Variants in PDCD11 observed in about 807,000 individuals in gnomAD.
PDCD11 encodes the protein protein RRP5 homolog.
PDCD11 carries 97 observed loss-of-function variants against 198.9 expected under a neutral mutation model. That is an observed-to-expected ratio of 0.49 (90% CI 0.41 to 0.58). PDCD11 has a LOEUF of 0.58. Among genes scored for constraint, PDCD11 ranks in the 20% least tolerant of loss-of-function variants. The probability of loss-of-function intolerance (pLI) is 0.00; values close to 1 mark genes in which losing one functional copy is unlikely to be tolerated. For missense variants in PDCD11, 2,102 were observed against 2,312.7 expected, an observed-to-expected ratio of 0.91 and a Z score of 1.87; for synonymous variants, 893 against 918.0, an observed-to-expected ratio of 0.97 and a Z score of 0.49.
rs1049014200 is a variant in PDCD11 at position 103,438,542 on chromosome 10, T to C, written c.3903-144T>C. On this transcript the variant is annotated intron_variant, in intron 26 of 35. Coordinates refer to ENST00000369797, the MANE Select transcript of PDCD11 (RefSeq NM_014976.2). ...GGCCTGGCAAGATGTTAGGAGAGAG[T>C]AGAGTTGGGCTCTAAAGGTTATATC... 4.7e-6 allele frequency: 5 copies of C among 1,073,574 alleles called. No homozygotes were observed. The African/African-American group carries it at 7.9e-5, about 17-fold the overall frequency. 66.5% of individuals were successfully genotyped at this position (1,073,574 alleles called of 1,614,324 possible). A position where few individuals can be genotyped will look rare whatever the true frequency, so the allele number is the denominator to read the frequency against.
In PDCD11 at chr10:103,445,675, T is replaced by A; in HGVS notation, c.*126T>A. 1 of 706,862 alleles carries A rather than the reference T, an allele frequency of 1.4e-6. No individual in the cohort carries two copies. Among genetic ancestry groups the A allele is most frequent in the South Asian group, 2.1e-5 (1 of 46,560 alleles). The allele number at this position is 706,862 out of a possible 1,614,324, so 43.8% of individuals were successfully genotyped here. A position where few individuals can be genotyped will look rare whatever the true frequency, so the allele number is the denominator to read the frequency against. On this transcript the variant is annotated 3_prime_UTR_variant, in exon 36 of 36. Transcript: ENST00000369797. ...AATGCTGCTTTTTCTGCAGCACGCTTGGGGAAATCCTGTCAGGATGAAAAG... is the reference window on the plus strand; with the variant it reads ...AATGCTGCTTTTTCTGCAGCACGCTAGGGGAAATCCTGTCAGGATGAAAAG...
chr10:103,439,915 C>G, intron 28 of PDCD11, 47 bp downstream of exon 28: 3 of 1,611,144 alleles, frequency 1.9e-6, no homozygotes, highest in Non-Finnish European at 2.5e-6. Flanking sequence ...GAATCAAACC[C>G]CTTTCTCCAG....
At chr10:103,403,023 T>TAA in intron 3 of PDCD11, 95 bp from the exon 4 acceptor site, 1 of 1,210,202 alleles carries the variant, frequency 8.3e-7, no homozygotes. Context: ...TGCTTGGCCT[T>TAA]ATAGCTTTTA....
Position 103,440,416 on chromosome 10 carries a change from GGAGA to G in PDCD11, c.4280_4283del (p.Arg1427ThrfsTer56). 1 of 1,614,208 alleles carries G rather than the reference GGAGA, an allele frequency of 6.2e-7. No homozygotes were observed. Among genetic ancestry groups the G allele is most frequent in the Non-Finnish European group, 8.5e-7 (1 of 1,180,038 alleles). On this transcript the variant is annotated frameshift_variant, in exon 29 of 36. Coordinates refer to ENST00000369797, the MANE Select transcript of PDCD11 (RefSeq NM_014976.2). LOFTEE classifies it high-confidence loss of function. Reference sequence around the variant, plus strand: ...AAGAGGAGAGGAAAACAGAGGCTGAGGAGAGAGACCAAAAAGGGGAAAAGAAAAA... The same window carrying G: ...AAGAGGAGAGGAAAACAGAGGCTGAGGAGACCAAAAAGGGGAAAAGAAAAA...
At chr10:103,412,372 G>C (rs1057182243) in intron 8 of PDCD11, among the ~76,000 whole-genome samples, 3 of 152,068 alleles carry the variant, frequency 2.0e-5, no homozygotes, top group African/African-American at 7.2e-5. Flanking sequence ...CCAGGCTGGA[G>C]TGCAGTGGCG....
chr10:103,410,279 C>T (rs1207890690), intron 8 of PDCD11, among the ~76,000 whole-genome samples: 1 of 151,434 alleles, frequency 6.6e-6, no homozygotes, highest in Non-Finnish European at 1.5e-5. Flanking sequence ...AAGAAACTCT[C>T]AGTGGCTGAA....
In PDCD11 at chr10:103,413,147, G is replaced by A. The variant is rs779814237; in HGVS notation, c.1010G>A (p.Arg337Gln). The A allele has an allele frequency of 4.3e-6, 7 of 1,614,066 alleles. No homozygotes were observed. Among genetic ancestry groups the A allele is most frequent in the East Asian group, 2.2e-5 (1 of 44,888 alleles). The change falls in exon 9 of 36, where the codon CGA becomes CAA. Residue 337 changes from arginine (R) to glutamine (Q), a missense_variant. By Grantham distance (43) the Arg-to-Gln change is conservative. Transcript: ENST00000369797. ...GCCTGCATCCTTTGCGTCCATCCTC[G>A]AACCAGAGTTGTGCACCTGAGCCTG... ...VRACILCVHP[R>Q]TRVVHLSLRP...
At chr10:103,404,991 A>G (rs554375444) in intron 4 of PDCD11, 31 bp from the exon 5 acceptor site, 1 of 1,607,100 alleles carries the variant, frequency 6.2e-7, no homozygotes, top group South Asian at 1.1e-5. Context: ...AGAAGGGTGT[A>G]TATCAGGTCT....
rs1329409232 is a variant in PDCD11, at chr10:103,439,763, T to G, written c.4043T>G (p.Val1348Gly). Residue 1348 changes from valine (V) to glycine (G), a missense_variant, in exon 28 of 36, where the codon GTG becomes GGG. Val to Gly is a moderately radical substitution (Grantham distance 109). Coordinates refer to ENST00000369797, the MANE Select transcript of PDCD11 (RefSeq NM_014976.2). ...GVFFRLGPSV[V>G]GLARYSHVSQ... ...CCTTTCAGCCTTGGCCCCTCCGTTG[T>G]GGGTTTGGCTCGGTACTCCCATGTC... 1 of 1,614,024 alleles carries G rather than the reference T, an allele frequency of 6.2e-7. No homozygotes were observed. Among genetic ancestry groups the G allele is most frequent in the Non-Finnish European group, 8.5e-7 (1 of 1,180,034 alleles).
At chr10:103,442,040 GT>G in intron 31 of PDCD11, 65 bp downstream of exon 31, 2 of 1,592,526 alleles carry the variant, frequency 1.3e-6, no homozygotes, top group South Asian at 2.2e-5. Flanking sequence ...CTTGTGCTCT[GT>G]TCCTAGACTG....
rs760963034 is a variant in PDCD11 at position 103,421,575 on chromosome 10, A to G, written c.2497+8A>G. 1 of 1,550,554 alleles carries G rather than the reference A, an allele frequency of 6.4e-7. No individual in the cohort carries two copies. Among genetic ancestry groups the G allele is most frequent in the South Asian group, 1.2e-5 (1 of 84,252 alleles). On this transcript the variant is annotated splice_region_variant and intron_variant, in intron 17 of 35. Coordinates refer to ENST00000369797, the MANE Select transcript of PDCD11 (RefSeq NM_014976.2). The stretch of plus-strand genomic sequence containing the variant: ...GCCTTATGAGCAACCGAGGTGGGGC[A>G]CCTGTGGGGCAGGGGAGGTGGGCCA...
intron 6 of PDCD11, 107 bp downstream of exon 6, chr10:103,406,215 G>A (rs2030439971): frequency 7.4e-7 from 1 of 1,353,224 alleles, no homozygotes. Context: ...GACCCTGAAG[G>A]TGCTGTGGCT....
chr10:103,414,691 C>T (rs760931683), intron 11 of PDCD11, among the ~76,000 whole-genome samples: 5 of 152,202 alleles, frequency 3.3e-5, no homozygotes, highest in Non-Finnish European at 5.9e-5. Flanking sequence ...TGGCTCTAAT[C>T]GAGCAGCTCC....
At position 103,422,970 on chromosome 10, in the gene PDCD11, C is replaced by T. The variant is rs370530813; in HGVS notation, c.2498-18C>T. ...TCTTTCATGGTACTAATCCGTGTTT[C>T]CTTTGGATCTCTGGCAGACTCTGTG... On this transcript the variant is annotated intron_variant, in intron 17 of 35. Coordinates refer to ENST00000369797, the MANE Select transcript of PDCD11 (RefSeq NM_014976.2). The T allele has an allele frequency of 6.8e-7, 1 of 1,479,918 alleles. No individual in the cohort carries two copies. Among genetic ancestry groups the T allele is most frequent in the Non-Finnish European group, 9.0e-7 (1 of 1,111,720 alleles). The allele number at this position is 1,479,918 out of a possible 1,614,324, so 91.7% of individuals were successfully genotyped here.
rs2031956110 is a variant in PDCD11, at chr10:103,432,030, C to T, written c.3369-99C>T. ...GGAGGGTGAGTATGAGTAGGGGAGT[C>T]CCGTACAGTCAATCCGTGGCCACTT... On this transcript the variant is annotated intron_variant, in intron 21 of 35. Transcript: ENST00000369797. The T allele has an allele frequency of 6.9e-5, 58 of 843,332 alleles. No individual in the cohort carries two copies. In the South Asian group the frequency reaches 7.9e-4, roughly 12 times the overall value. 52.2% of individuals were successfully genotyped at this position (843,332 alleles called of 1,614,324 possible).
rs768682625 is a variant in PDCD11, at chr10:103,440,507, GAGAAGCAACAGCCCC to G, written c.4373_4387del (p.Gln1458_Lys1462del). The G allele has an allele frequency of 1.2e-6, 2 of 1,613,758 alleles. No individual in the cohort carries two copies. Among genetic ancestry groups the G allele is most frequent in the Admixed American group, 1.7e-5 (1 of 60,032 alleles). On this transcript the variant is annotated inframe_deletion, in exon 29 of 36. Transcript: ENST00000369797. ...GGAGGAGGTGGAGATGCCCAGCAAG[GAGAAGCAACAGCCCC>G]AGAAGCCACAGGCGCAGAAGCGGGG... is the stretch of plus-strand genomic sequence containing the variant.
At chr10:103,400,736 T>C (rs1326158251) in intron 3 of PDCD11, among the ~76,000 whole-genome samples, 4 of 152,150 alleles carry the variant, frequency 2.6e-5, no homozygotes, top group African/African-American at 9.7e-5. Flanking sequence ...GCCAGGAATC[T>C]TTTCTTTTTC....
At position 103,406,631 on chromosome 10, in the gene PDCD11, G is replaced by A; in HGVS notation, c.711G>A (p.Gln237=). The change falls in exon 7 of 36, where the codon CAG becomes CAA. Residue 237 remains glutamine (Q), a synonymous_variant. Coordinates refer to ENST00000369797, the MANE Select transcript of PDCD11 (RefSeq NM_014976.2). The part of the protein sequence containing the change: ...KNKGAKLKVG[Q]YLNCIVEKVK... The stretch of plus-strand genomic sequence containing the variant: ...CAGGTGCTAAACTAAAGGTGGGTCA[G>A]TACCTGAACTGCATTGTTGAAAAGG... 1.2e-6 allele frequency: 2 copies of A among 1,614,102 alleles called. No homozygotes were observed. The highest frequency in any genetic ancestry group is 1.7e-6 in the Non-Finnish European group (2 of 1,180,016).
Position 103,445,627 on chromosome 10 carries a change from CTG to C in PDCD11, c.*80_*81del. 1 of 1,240,846 alleles carries C rather than the reference CTG, an allele frequency of 8.1e-7. No homozygotes were observed. 76.9% of individuals were successfully genotyped at this position (1,240,846 alleles called of 1,614,324 possible). ...CTCGAGTGCCTGGGCACTCGGAAAA[CTG>C]TTACCTCAGGACTCTATTTAAATGC... On this transcript the variant is annotated 3_prime_UTR_variant, in exon 36 of 36. Coordinates refer to ENST00000369797, the MANE Select transcript of PDCD11 (RefSeq NM_014976.2).
Sources: allele counts gnomAD v4.1 joint callset (sites outside exome capture counted in the v4.1 genomes callset), GRCh38; gene constraint gnomAD v4.1.1; transcripts MANE v1.5; gene names NCBI Gene and HGNC (gene_info 2026-07-23, HGNC 2026-07-21).